BRINP3: variants seen among roughly 807,000 people sequenced by gnomAD.
BRINP3 encodes the protein BMP/retinoic acid inducible neural specific 3, also known as BMP/retinoic acid-inducible neural-specific protein 3.
Under a neutral mutation model 71.0 loss-of-function variants are expected in BRINP3, and 19 were observed. The ratio of observed to expected loss-of-function variants is 0.27; its 90% CI spans 0.19 to 0.39. BRINP3 has a LOEUF of 0.39. Ranked by LOEUF, BRINP3 falls within the 10% of genes least tolerant of loss-of-function variation. The pLI, the probability that BRINP3 is intolerant of heterozygous loss-of-function variation, is 1.00. For missense variants in BRINP3, 959 were observed against 940.8 expected (o/e 1.02, Z -0.25); for synonymous variants, 380 against 337.7 (o/e 1.13, Z -1.37).
chr1:190,242,444 ATT>A (rs1464392222), intron 4 of BRINP3, among the ~76,000 whole-genome samples: 16 of 152,128 alleles, frequency 1.1e-4, no homozygotes, highest in Admixed American at 1.1e-3. Context: ...TGTATGATAT[ATT>A]ATTCATCCAG....
At chr1:190,216,017 CAA>C (rs1177645401) in intron 6 of BRINP3, among the ~76,000 whole-genome samples, 4 of 129,608 alleles carry the variant, frequency 3.1e-5, no homozygotes, top group African/African-American at 8.4e-5. Flanking sequence ...TTTATTTATC[CAA>C]AAAAAAAAAC....
intron 2 of BRINP3, among the ~76,000 whole-genome samples, chr1:190,297,816 CTG>C (rs987628473): frequency 7.2e-6 from 1 of 139,308 alleles, no homozygotes; most frequent in Admixed American, 7.3e-5. Flanking sequence ...GTGTGTGTAC[CTG>C]TGTGTGTGTG....
intron 7 of BRINP3, among the ~76,000 whole-genome samples, chr1:190,143,275 G>A (rs927263502): frequency 6.6e-6 from 1 of 151,832 alleles, no homozygotes; most frequent in Non-Finnish European, 1.5e-5. Flanking sequence ...TTCGGAAGAT[G>A]TGTCCACTCA....
chr1:190,276,860 A>C (rs1354152009), intron 3 of BRINP3, among the ~76,000 whole-genome samples: 1 of 150,912 alleles, frequency 6.6e-6, no homozygotes, highest in Non-Finnish European at 1.5e-5. Flanking sequence ...ATATTATCTT[A>C]AGAAATACTT....
chr1:190,405,667 A>G lies in BRINP3; in HGVS notation c.236+48988T>C, dbSNP rs535544876. On this transcript the variant is annotated intron_variant, in intron 2 of 7. Coordinates refer to ENST00000367462, the MANE Select transcript of BRINP3 (RefSeq NM_199051.3). ...CAGAGAAACGAATTCAAACTAAAGGAAAGCAATTGCTAGATACACTATTCT... is the reference window on the plus strand; with the variant it reads ...CAGAGAAACGAATTCAAACTAAAGGGAAGCAATTGCTAGATACACTATTCT... Among the ~76,000 whole-genome samples, 8 of 152,164 alleles carry G rather than the reference A, an allele frequency of 5.3e-5. No individual in the cohort carries two copies. The South Asian group carries it at 1.7e-3, about 32-fold the overall frequency.
intron 6 of BRINP3, among the ~76,000 whole-genome samples, chr1:190,207,860 G>A (rs1363800866): frequency 6.6e-6 from 1 of 152,122 alleles, no homozygotes; most frequent in Non-Finnish European, 1.5e-5. Context: ...TCACAGCCTT[G>A]ATAAGAAGTT....
At chr1:190,410,748 G>A (rs1436442273) in intron 2 of BRINP3, among the ~76,000 whole-genome samples, 2 of 152,124 alleles carry the variant, frequency 1.3e-5, no homozygotes, top group African/African-American at 4.8e-5. Flanking sequence ...AAAGTGCAAT[G>A]CAGCTAAAGG....
intron 2 of BRINP3, among the ~76,000 whole-genome samples, chr1:190,366,051 C>G (rs1421837096): frequency 6.6e-6 from 1 of 151,832 alleles, no homozygotes; most frequent in Non-Finnish European, 1.5e-5. Context: ...AATAGCTTCT[C>G]CTTAGAAACT....
intron 2 of BRINP3, among the ~76,000 whole-genome samples, chr1:190,363,525 A>G (rs1322414715): frequency 1.3e-5 from 2 of 152,158 alleles, no homozygotes; most frequent in East Asian, 1.9e-4. Context: ...CTGATTTTTT[A>G]TAAGAAACTT....
At chr1:190,277,257 G>C (rs1222193995) in intron 3 of BRINP3, among the ~76,000 whole-genome samples, 1 of 150,568 alleles carries the variant, frequency 6.6e-6, no homozygotes, top group Non-Finnish European at 1.5e-5. Context: ...GTGTAGGAAA[G>C]AGGCTGCCCA....
intron 2 of BRINP3, among the ~76,000 whole-genome samples, chr1:190,424,788 A>T (rs2102475833): frequency 6.6e-6 from 1 of 151,876 alleles, no homozygotes; most frequent in African/African-American, 2.4e-5. Flanking sequence ...TAAATCTAGA[A>T]GTCTCTGAAA....
At chr1:190,104,252 A>G (rs6427982) in intron 7 of BRINP3, among the ~76,000 whole-genome samples, 80,637 of 151,616 alleles carry the variant, frequency 0.53, 21,946 homozygotes, top group African/African-American at 0.63. Flanking sequence ...ACACTATATT[A>G]GCTTGAGACC....
At chr1:190,236,786 T>A (rs1048099873) in intron 4 of BRINP3, among the ~76,000 whole-genome samples, 1 of 151,968 alleles carries the variant, frequency 6.6e-6, no homozygotes, top group Non-Finnish European at 1.5e-5. Flanking sequence ...AATAAAAGCA[T>A]CAAAGAGAAT....
intron 3 of BRINP3, among the ~76,000 whole-genome samples, chr1:190,271,067 T>C (rs530836694): frequency 1.7e-4 from 26 of 151,652 alleles, no homozygotes; most frequent in African/African-American, 4.3e-4. Context: ...GTGAAAAGAG[T>C]CATTTTCAGT....
intron 2 of BRINP3, among the ~76,000 whole-genome samples, chr1:190,423,945 C>A (rs1486415526): frequency 6.6e-6 from 1 of 151,752 alleles, no homozygotes; most frequent in Non-Finnish European, 1.5e-5. Flanking sequence ...CAGACTTGCT[C>A]ATAACCTGTT....
intron 7 of BRINP3, among the ~76,000 whole-genome samples, chr1:190,109,121 T>C (rs1381135956): frequency 6.6e-6 from 1 of 152,170 alleles, no homozygotes; most frequent in Non-Finnish European, 1.5e-5. Flanking sequence ...ATGTTATCTT[T>C]ATTTCTGTAT....
chr1:190,335,425 T>G (rs1667223816), intron 2 of BRINP3, among the ~76,000 whole-genome samples: 1 of 151,884 alleles, frequency 6.6e-6, no homozygotes, highest in South Asian at 2.1e-4. Flanking sequence ...TTATAAATAC[T>G]ATACTAAAAA....
intron 7 of BRINP3, among the ~76,000 whole-genome samples, 163 bp from the exon 8 acceptor site, chr1:190,099,297 T>TACACACACACAC (rs56359524): frequency 1.0e-4 from 15 of 149,332 alleles, no homozygotes; most frequent in African/African-American, 3.7e-4. Flanking sequence ...GACTATATAA[T>TACACACACACAC]ACACACACAC....
chr1:190,412,704 C>A (rs1571986591), intron 2 of BRINP3, among the ~76,000 whole-genome samples: 1 of 151,434 alleles, frequency 6.6e-6, no homozygotes, highest in South Asian at 2.1e-4. Context: ...CCTCGTGATC[C>A]GCCCGCCTCG....
Sources: gnomAD v4.1 joint callset for allele counts (sites outside exome capture counted in the v4.1 genomes callset) on GRCh38, gnomAD v4.1.1 for gene constraint, MANE v1.5 for transcripts, NCBI Gene and HGNC (gene_info 2026-07-23, HGNC 2026-07-21) for gene names.